The following RBMS3 variants were observed in gnomAD, a reference collection of about 807,000 sequenced individuals.
RBMS3 encodes the protein RNA-binding motif, single-stranded-interacting protein 3.
Under a neutral mutation model 66.8 loss-of-function variants are expected in RBMS3, and 27 were observed. That is an observed-to-expected ratio of 0.40 (90% CI 0.30 to 0.56). The LOEUF (loss-of-function observed/expected upper bound fraction) is 0.56, where lower values mean the gene tolerates loss of function less well. Ranked by LOEUF, RBMS3 falls within the 20% of genes least tolerant of loss-of-function variation. The probability of loss-of-function intolerance (pLI) is 0.40; values close to 1 mark genes in which losing one functional copy is unlikely to be tolerated. For missense variants in RBMS3, 513 were observed against 549.5 expected (o/e 0.93, Z 0.66); for synonymous variants, 188 against 183.0 (o/e 1.03, Z -0.22).
At position 29,974,188 on chromosome 3, in the gene RBMS3, G is replaced by C. The variant is rs757367314; in HGVS notation, c.1099-13955G>C. On this transcript the variant is annotated intron_variant, in intron 12 of 14. Transcript: ENST00000383767. ...CCTAGAAATCTTATTACATAACCCT[G>C]GTCCATTCACTCTCCTGCTCTTCAA... is the stretch of plus-strand genomic sequence containing the variant. Among the ~76,000 whole-genome samples the C allele has an allele frequency of 7.6e-4, 116 of 151,664 alleles. 1 individual carries two copies. Among genetic ancestry groups the C allele is most frequent in the Admixed American group, 3.4e-3 (52 of 15,194 alleles).
chr3:29,855,574 A>G (rs559503374), intron 6 of RBMS3, among the ~76,000 whole-genome samples: 19 of 152,356 alleles, frequency 1.2e-4, no homozygotes, highest in African/African-American at 4.6e-4. Context: ...ATGATCTTTT[A>G]GAAAATAGGG....
chr3:29,850,980 AC>A (rs2058919881), intron 6 of RBMS3, among the ~76,000 whole-genome samples: 1 of 152,146 alleles, frequency 6.6e-6, no homozygotes, highest in Admixed American at 6.5e-5. Context: ...TGTACTTCTA[AC>A]CTTTTGCCTA....
chr3:29,602,569 A>G (rs1018813833), intron 4 of RBMS3, among the ~76,000 whole-genome samples: 1 of 152,016 alleles, frequency 6.6e-6, no homozygotes, highest in Non-Finnish European at 1.5e-5. Context: ...GCAAAATACA[A>G]TGGGAAATTG....
chr3:29,824,614 T>G (rs1293931571), intron 6 of RBMS3, among the ~76,000 whole-genome samples: 2 of 152,178 alleles, frequency 1.3e-5, no homozygotes, highest in Admixed American at 1.3e-4. Context: ...TTATAACCAC[T>G]TCACAGCAAT....
chr3:29,506,764 T>C (rs1187961817), intron 3 of RBMS3, among the ~76,000 whole-genome samples: 2 of 152,010 alleles, frequency 1.3e-5, no homozygotes, highest in South Asian at 2.1e-4. Flanking sequence ...TATTGGTCTG[T>C]TCAGATTTTC....
intron 1 of RBMS3, among the ~76,000 whole-genome samples, chr3:29,386,826 T>G (rs1430163091): frequency 6.6e-6 from 1 of 152,216 alleles, no homozygotes; most frequent in Admixed American, 6.5e-5. Flanking sequence ...CAATCATGTT[T>G]TCATCTCCAC....
intron 10 of RBMS3, among the ~76,000 whole-genome samples, chr3:29,930,109 C>CTTTTCTTTTTTTTTTTTTTTTTTTT (rs1553702216): frequency 6.9e-5 from 3 of 43,556 alleles, no homozygotes; most frequent in Non-Finnish European, 1.0e-4. Flanking sequence ...TTCTTTCTTT[C>CTTTTCTTTTTTTTTTTTTTTTTTTT]TTTTTTTTTT....
intron 1 of RBMS3, among the ~76,000 whole-genome samples, chr3:29,367,460 A>C (rs1405845027): frequency 6.6e-6 from 1 of 152,258 alleles, no homozygotes; most frequent in African/African-American, 2.4e-5. Flanking sequence ...ATGTGCCAAT[A>C]TAAAAGCATT....
At chr3:29,688,242 T>G (rs943573087) in intron 4 of RBMS3, among the ~76,000 whole-genome samples, 1 of 152,186 alleles carries the variant, frequency 6.6e-6, no homozygotes, top group Non-Finnish European at 1.5e-5. Flanking sequence ...TGCTTTTATG[T>G]GCATTGATTT....
chr3:29,461,920 A>ATTTTTTTTTTTTTTTTTT (rs61115023), intron 2 of RBMS3, among the ~76,000 whole-genome samples: 1 of 93,298 alleles, frequency 1.1e-5, no homozygotes, highest in African/African-American at 4.1e-5. Flanking sequence ...TGCCCGGCTA[A>ATTTTTTTTTTTTTTTTTT]TTTTTTTTTT....
At chr3:29,463,610 A>G (rs962315789) in intron 2 of RBMS3, among the ~76,000 whole-genome samples, 1 of 113,532 alleles carries the variant, frequency 8.8e-6, no homozygotes, top group Non-Finnish European at 1.8e-5. Flanking sequence ...ATTTCTGGTT[A>G]GTTGAAAAAA....
intron 4 of RBMS3, among the ~76,000 whole-genome samples, chr3:29,632,467 G>C (rs2049319518): frequency 6.6e-6 from 1 of 151,858 alleles, no homozygotes; most frequent in Non-Finnish European, 1.5e-5. Context: ...TGAAATTCTA[G>C]AAAGTTTTAA....
intron 1 of RBMS3, among the ~76,000 whole-genome samples, chr3:29,312,269 T>C (rs1356826284): frequency 7.5e-6 from 1 of 132,972 alleles, no homozygotes; most frequent in Non-Finnish European, 1.7e-5. Context: ...CAGCCAGTTA[T>C]TTTTTTCTAG....
At chr3:29,499,129 T>C (rs2043869457) in intron 3 of RBMS3, among the ~76,000 whole-genome samples, 1 of 152,136 alleles carries the variant, frequency 6.6e-6, no homozygotes, top group Non-Finnish European at 1.5e-5. Flanking sequence ...TTTGTTATGC[T>C]ATTCACTCTG....
intron 3 of RBMS3, among the ~76,000 whole-genome samples, chr3:29,527,561 A>G (rs2045179325): frequency 6.6e-6 from 1 of 152,194 alleles, no homozygotes; most frequent in African/African-American, 2.4e-5. Context: ...TGTTCTGCAT[A>G]AATCCATCAT....
intron 4 of RBMS3, among the ~76,000 whole-genome samples, chr3:29,703,320 T>G (rs1465000866): frequency 6.6e-6 from 1 of 152,238 alleles, no homozygotes; most frequent in South Asian, 2.1e-4. Flanking sequence ...GATTGACATA[T>G]GTACATGTGT....
chr3:29,737,250 C>T (rs1313372394), intron 4 of RBMS3, among the ~76,000 whole-genome samples: 1 of 152,316 alleles, frequency 6.6e-6, no homozygotes, highest in East Asian at 1.9e-4. Context: ...GCTGGGATTA[C>T]AGGCATGAGC....
intron 1 of RBMS3, among the ~76,000 whole-genome samples, chr3:29,425,216 C>CAAAA (rs71091059): frequency 1.2e-4 from 14 of 120,014 alleles, no homozygotes; most frequent in African/African-American, 3.3e-4. Flanking sequence ...CCAAAAAAAA[C>CAAAA]AAAAAAAAAA....
At chr3:29,944,285 A>C (rs1695152679) in intron 12 of RBMS3, 31 bp downstream of exon 12, 1 of 1,539,780 alleles carries the variant, frequency 6.5e-7, no homozygotes, top group Admixed American at 1.7e-5. Context: ...TTAAGACTGG[A>C]TTGGAGGGGA....
Sources: allele counts gnomAD v4.1 joint callset (sites outside exome capture counted in the v4.1 genomes callset), GRCh38; gene constraint gnomAD v4.1.1; transcripts MANE v1.5; gene names NCBI Gene and HGNC (gene_info 2026-07-23, HGNC 2026-07-21).